Variants in PAH observed in about 807,000 individuals in gnomAD.
PAH encodes phenylalanine hydroxylase, also known as phenylalanine-4-hydroxylase.
PAH carries 64 observed loss-of-function variants against 62.0 expected under a neutral mutation model. That is an observed-to-expected ratio of 1.03 (90% CI 0.84 to 1.27). PAH has a LOEUF of 1.27. Ranked by LOEUF, PAH falls within the 50% of genes most tolerant of loss-of-function variation. The probability of loss-of-function intolerance (pLI) is 0.00; values close to 1 mark genes in which losing one functional copy is unlikely to be tolerated. For synonymous variants in PAH, 195 were observed against 196.2 expected (o/e 0.99, Z 0.05); for missense variants, 579 against 542.8 (o/e 1.07, Z -0.66).
In PAH at chr12:102,913,333, T is replaced by C. The variant is rs114493198; in HGVS notation, c.61-435A>G. On this transcript the variant is annotated intron_variant, in intron 1 of 12. Coordinates refer to ENST00000553106, the MANE Select transcript of PAH (RefSeq NM_000277.3). The stretch of plus-strand genomic sequence containing the variant: ...CTTAGAGGTGATATAATATGATTTA[T>C]AAAATGTCCCAGAAAGACATTGAGA... Among the ~76,000 whole-genome samples the C allele has an allele frequency of 4.6e-3, 704 of 152,272 alleles. 3 individuals carry two copies. Among genetic ancestry groups the C allele is most frequent in the African/African-American group, 0.016 (683 of 41,556 alleles).
At chr12:102,944,196 CCTTT>C (rs1250749291) in intron 1 of PAH, among the ~76,000 whole-genome samples, 4 of 152,148 alleles carry the variant, frequency 2.6e-5, no homozygotes, top group Non-Finnish European at 4.4e-5. Flanking sequence ...TAGCCTCCTT[CCTTT>C]ATCCTTGACC....
chr12:102,930,321 G>A (rs1878814580), intron 1 of PAH, among the ~76,000 whole-genome samples: 1 of 152,034 alleles, frequency 6.6e-6, no homozygotes. Flanking sequence ...AAGCTCTGAG[G>A]CTCTTAGAGG....
Position 102,855,090 on chromosome 12 carries a change from C to A in PAH, c.706+46G>T, listed in dbSNP as rs1156928257. 5.3e-6 allele frequency: 8 copies of A among 1,507,482 alleles called. No homozygotes were observed. In the African/African-American group the frequency reaches 8.3e-5, roughly 16 times the overall value. The allele number at this position is 1,507,482 out of a possible 1,614,324, so 93.4% of individuals were successfully genotyped here. A position where few individuals can be genotyped will look rare whatever the true frequency, so the allele number is the denominator to read the frequency against. ...CCCCTTCCCTCTCCTCTGCCTCAATCCTCCCCCAACTTTCTGCAGGGCCAT... is the reference window on the plus strand; with the variant it reads ...CCCCTTCCCTCTCCTCTGCCTCAATACTCCCCCAACTTTCTGCAGGGCCAT... On this transcript the variant is annotated intron_variant, in intron 6 of 12. Coordinates refer to ENST00000553106, the MANE Select transcript of PAH (RefSeq NM_000277.3).
chr12:102,956,529 G>A (rs1308133220), intron 1 of PAH, among the ~76,000 whole-genome samples: 1 of 152,046 alleles, frequency 6.6e-6, no homozygotes, highest in Non-Finnish European at 1.5e-5. Flanking sequence ...GCCTGGGGCG[G>A]GATGGTGGCT....
At chr12:102,853,647 C>A (rs1290896156) in intron 6 of PAH, among the ~76,000 whole-genome samples, 1 of 152,218 alleles carries the variant, frequency 6.6e-6, no homozygotes, top group South Asian at 2.1e-4. Context: ...ATCTATATCA[C>A]ATTCTCTAAA....
intron 3 of PAH, among the ~76,000 whole-genome samples, chr12:102,880,089 T>C (rs1456544811): frequency 1.3e-5 from 2 of 152,328 alleles, no homozygotes; most frequent in African/African-American, 2.4e-5. Context: ...GGCAAGTCTC[T>C]TGATAGACCT....
intron 8 of PAH, 38 bp downstream of exon 8, chr12:102,851,649 A>G: frequency 1.3e-6 from 2 of 1,566,364 alleles, no homozygotes; most frequent in Non-Finnish European, 1.8e-6. Flanking sequence ...TTCAGGTCAC[A>G]GACCTATAAC....
chr12:102,847,234 G>T, intron 8 of PAH: 1 of 464,066 alleles, frequency 2.2e-6, no homozygotes. Context: ...TCACAGGGTC[G>T]GTTAGTATCT....
chr12:102,927,966 T>C (rs1453333295), intron 1 of PAH, among the ~76,000 whole-genome samples: 1 of 152,202 alleles, frequency 6.6e-6, no homozygotes, highest in Non-Finnish European at 1.5e-5. Flanking sequence ...TAAAACTATA[T>C]TGGATTTCTA....
chr12:102,882,653 TATATATATATATATATATATATAA>T (rs1399257361), intron 3 of PAH, among the ~76,000 whole-genome samples: 7 of 57,910 alleles, frequency 1.2e-4, no homozygotes, highest in Admixed American at 8.7e-4. Context: ...TATATATATA[TATATATATATATATATATATATAA>T]AATTTTTTTC....
At chr12:102,916,709 C>T (rs950131590) in intron 1 of PAH, 3 of 313,940 alleles carry the variant, frequency 9.6e-6, no homozygotes, top group Middle Eastern at 1.0e-3. Context: ...TTCCACATCC[C>T]ATCCCAGATC....
chr12:102,849,231 T>A (rs771954347), intron 8 of PAH, among the ~76,000 whole-genome samples: 2 of 152,194 alleles, frequency 1.3e-5, no homozygotes, highest in Non-Finnish European at 2.9e-5. Context: ...TGTCCCAAAG[T>A]GCTTATGGTT....
chr12:102,882,313 G>A (rs890514217), intron 3 of PAH, among the ~76,000 whole-genome samples: 2 of 152,048 alleles, frequency 1.3e-5, no homozygotes, highest in Non-Finnish European at 2.9e-5. Flanking sequence ...GTCCAGCAAT[G>A]GTTAAGAGTC....
At chr12:102,925,589 C>T (rs1337308358) in intron 1 of PAH, among the ~76,000 whole-genome samples, 1 of 152,124 alleles carries the variant, frequency 6.6e-6, no homozygotes, top group Non-Finnish European at 1.5e-5. Context: ...GAGAAAAATG[C>T]AACGTCTCAT....
chr12:102,882,676 A>ATATATATATAT, intron 3 of PAH, among the ~76,000 whole-genome samples: 1 of 33,358 alleles, frequency 3.0e-5, no homozygotes, highest in South Asian at 1.0e-3. Context: ...ATATATATAT[A>ATATATATATAT]AAATTTTTTT....
In PAH at chr12:102,957,159, GA is replaced by G. The variant is rs1399270863; in HGVS notation, c.-96+1035del. Among the ~76,000 whole-genome samples, 5 of 152,214 alleles carry G rather than the reference GA, an allele frequency of 3.3e-5. No homozygotes were observed. The East Asian group carries it at 9.7e-4, about 29-fold the overall frequency. On this transcript the variant is annotated intron_variant, in intron 1 of 4. Transcript: ENST00000551337. The surrounding 1 kb of genome is among the most constrained non-coding windows in gnomAD (Gnocchi z 4.1). ...AACAGTGAGGAGAGAGAGAAAACAG[GA>G]AAAGTCGAGCCCCACTCCCTCCTCA...
Position 102,912,082 on chromosome 12 carries a change from C to T in PAH, c.168+709G>A, listed in dbSNP as rs546178080. ...TACATGTTCTTAAAATAAAAAGGAT[C>T]CACAGTCAAGTAAGTTTGGAAAATA... On this transcript the variant is annotated intron_variant, in intron 2 of 12. Coordinates refer to ENST00000553106, the MANE Select transcript of PAH (RefSeq NM_000277.3). Among the ~76,000 whole-genome samples, 5 of 152,218 alleles carry T rather than the reference C, an allele frequency of 3.3e-5. No homozygotes were observed. In the East Asian group the frequency reaches 9.6e-4, roughly 29 times the overall value.
At chr12:102,899,306 A>T (rs906257734) in intron 2 of PAH, among the ~76,000 whole-genome samples, 2 of 152,112 alleles carry the variant, frequency 1.3e-5, no homozygotes, top group Non-Finnish European at 2.9e-5. Context: ...GCAAAGAAGA[A>T]GTTCTGGGAA....
intron 2 of PAH, among the ~76,000 whole-genome samples, chr12:102,899,982 G>T (rs2136709271): frequency 6.6e-6 from 1 of 150,906 alleles, no homozygotes; most frequent in Middle Eastern, 3.4e-3. Context: ...AGGGCTTAGG[G>T]ATGATTTTGT....
Sources: allele counts gnomAD v4.1 joint callset (sites outside exome capture counted in the v4.1 genomes callset), GRCh38; gene constraint gnomAD v4.1.1; non-coding constraint Gnocchi (gnomAD v3.1); transcripts MANE v1.5; gene names NCBI Gene and HGNC (gene_info 2026-07-23, HGNC 2026-07-21).